The following BLOC1S3 variants were observed in gnomAD, a reference collection of about 807,000 sequenced individuals.
BLOC1S3 encodes the protein biogenesis of lysosomal organelles complex 1 subunit 3.
In BLOC1S3, 7 loss-of-function variants were observed where a neutral mutation model predicts 9.1. The observed-to-expected ratio is 0.77, with a 90% CI of 0.44 to 1.45. BLOC1S3 has a LOEUF of 1.45. Among genes scored for constraint, BLOC1S3 ranks in the 40% most tolerant of loss-of-function variants. BLOC1S3 has a pLI of 0.01. For missense variants in BLOC1S3, 307 were observed against 315.2 expected (o/e 0.97, Z 0.20); for synonymous variants, 145 against 158.4 (o/e 0.92, Z 0.64).
chr19:45,190,682 G>A lies in BLOC1S3; in HGVS notation n.180+2942G>A, dbSNP rs377187556. ...CTCCCAAAATGCTGGGATTACAGGC[G>A]CCAGCCACTGCACCCAACCCCAGAA... On this transcript the variant is annotated intron_variant and non_coding_transcript_variant, in intron 2 of 3. Transcript: ENST00000591569. 1.1e-4 allele frequency among the ~76,000 whole-genome samples: 17 copies of A among 151,468 alleles called. No individual in the cohort carries two copies. In the South Asian group the frequency reaches 1.5e-3, roughly 13 times the overall value.
downstream of BLOC1S3, among the ~76,000 whole-genome samples, chr19:45,185,397 T>C (rs1445602553): frequency 6.6e-6 from 1 of 152,134 alleles, no homozygotes; most frequent in African/African-American, 2.4e-5. Context: ...CATGGAGCTG[T>C]TGAGACGTTC....
intron 3 of BLOC1S3, among the ~76,000 whole-genome samples, chr19:45,210,124 G>C (rs542258216): frequency 1.3e-5 from 2 of 152,236 alleles, no homozygotes; most frequent in African/African-American, 4.8e-5. Context: ...ATTTCCAAAT[G>C]TGAAAAGTCC....
At chr19:45,184,995 G>A (rs557518155), downstream of BLOC1S3, among the ~76,000 whole-genome samples, 184 of 151,874 alleles carry the variant, frequency 1.2e-3, no homozygotes, top group Non-Finnish European at 2.1e-3. Context: ...GAAGATGGGA[G>A]GGGTCATGGC....
In BLOC1S3 at chr19:45,181,033, TC is replaced by T; in HGVS notation, c.*1130del. On this transcript the variant is annotated 3_prime_UTR_variant, in exon 2 of 2. Coordinates refer to ENST00000433642, the MANE Select transcript of BLOC1S3 (RefSeq NM_212550.5). ...GGGCCACTGCGCCTAGCCAGCTGGG[TC>T]CTTGTTCTGCTGCCCAAGCTTGGCC... is the stretch of plus-strand genomic sequence containing the variant. 1 of 167,456 alleles carries T rather than the reference TC, an allele frequency of 6.0e-6. No individual in the cohort carries two copies. The highest frequency in any genetic ancestry group is 2.1e-4 in the South Asian group (1 of 4,858). 10.4% of individuals were successfully genotyped at this position (167,456 alleles called of 1,614,324 possible). A position where few individuals can be genotyped will look rare whatever the true frequency, so the allele number is the denominator to read the frequency against.
intron 3 of BLOC1S3, chr19:45,213,239 G>T (rs371350226): frequency 3.1e-6 from 5 of 1,613,294 alleles, no homozygotes; most frequent in Non-Finnish European, 4.2e-6. Flanking sequence ...CGGTCCCGAG[G>T]GGGTGACAGG....
chr19:45,211,055 G>T (rs1254354305), intron 3 of BLOC1S3, among the ~76,000 whole-genome samples: 1 of 152,202 alleles, frequency 6.6e-6, no homozygotes, highest in Non-Finnish European at 1.5e-5. Flanking sequence ...AGGCTGCAGT[G>T]AGCTATGATC....
Position 45,179,496 on chromosome 19 carries a change from C to T in BLOC1S3, c.200C>T (p.Pro67Leu). Residue 67 changes from proline (P) to leucine (L), a missense_variant, in exon 2 of 2, where the codon CCG (proline) becomes CTG (leucine). Coordinates refer to ENST00000433642, the MANE Select transcript of BLOC1S3 (RefSeq NM_212550.5). The surrounding 1 kb of genome is among the most constrained non-coding windows in gnomAD (Gnocchi z 4.6). ...GAAGCCGCGGAGACCGACTCGGAGC[C>T]GGAGCCGGAGCCGGAACCGACGGCC... ...AGEAAETDSE[P>L]EPEPEPTAAP... is the part of the protein sequence containing the mutation. The T allele has an allele frequency of 1.3e-6, 2 of 1,522,928 alleles. No homozygotes were observed. Among genetic ancestry groups the T allele is most frequent in the Non-Finnish European group, 1.8e-6 (2 of 1,142,372 alleles). The allele number at this position is 1,522,928 out of a possible 1,614,324, so 94.3% of individuals were successfully genotyped here. A position where few individuals can be genotyped will look rare whatever the true frequency, so the allele number is the denominator to read the frequency against.
At chr19:45,186,520 C>G (rs1969566834), downstream of BLOC1S3, among the ~76,000 whole-genome samples, 3 of 152,060 alleles carry the variant, frequency 2.0e-5, no homozygotes, top group Admixed American at 2.0e-4. Flanking sequence ...GCCTGGCCAA[C>G]ACGGTGAAAC....
rs1555754633 is a variant in BLOC1S3, at chr19:45,206,462, T to TTTTTGTTTTTTTG, written n.282+3959_282+3960insGTTTTTTTGTTTT. 4.3e-5 allele frequency among the ~76,000 whole-genome samples: 5 copies of TTTTTGTTTTTTTG among 115,446 alleles called. 1 individual carries two copies. The highest frequency in any genetic ancestry group is 3.6e-5 in the African/African-American group (1 of 27,872). The allele number at this position is 115,446 out of a possible 152,430, so 75.7% of individuals were successfully genotyped here. A position where few individuals can be genotyped will look rare whatever the true frequency, so the allele number is the denominator to read the frequency against. On this transcript the variant is annotated intron_variant and non_coding_transcript_variant, in intron 3 of 3. Transcript: ENST00000591569. ...TTGGATTAATCAAGTTTTTTTTTTT[T>TTTTTGTTTTTTTG]TTTTTTTTTTTGAGCAAGGATCTCA...
At chr19:45,194,936 T>C (rs1969635801) in intron 2 of BLOC1S3, among the ~76,000 whole-genome samples, 1 of 151,614 alleles carries the variant, frequency 6.6e-6, no homozygotes, top group Admixed American at 6.6e-5. Context: ...GTTATACTTT[T>C]TTTTTTTTTT....
At chr19:45,210,241 T>G (rs1969757902) in intron 3 of BLOC1S3, among the ~76,000 whole-genome samples, 1 of 150,960 alleles carries the variant, frequency 6.6e-6, no homozygotes, top group African/African-American at 2.4e-5. Flanking sequence ...TTTCTTTATT[T>G]AAAATTTTTT....
At chr19:45,185,712 C>T (rs912805614), downstream of BLOC1S3, among the ~76,000 whole-genome samples, 3 of 151,790 alleles carry the variant, frequency 2.0e-5, no homozygotes, top group Non-Finnish European at 4.4e-5. Context: ...AGAGCCAGGC[C>T]ACACAGGGCC....
In BLOC1S3 at chr19:45,208,154, T is replaced by C. The variant is rs976220072; in HGVS notation, n.282+5647T>C. Reference sequence around the variant, plus strand: ...CACGCCCAGCTAAGTTTTGTATTTTTAGTAGAGACGGGTTTTGCCATGTTG... The same window carrying C: ...CACGCCCAGCTAAGTTTTGTATTTTCAGTAGAGACGGGTTTTGCCATGTTG... On this transcript the variant is annotated intron_variant and non_coding_transcript_variant, in intron 3 of 3. Transcript: ENST00000591569. Among the ~76,000 whole-genome samples, 11 of 151,546 alleles carry C rather than the reference T, an allele frequency of 7.3e-5. No individual in the cohort carries two copies. The South Asian group carries it at 1.3e-3, about 17-fold the overall frequency.
At chr19:45,185,718 G>A (rs1969561391), downstream of BLOC1S3, among the ~76,000 whole-genome samples, 1 of 151,840 alleles carries the variant, frequency 6.6e-6, no homozygotes, top group Non-Finnish European at 1.5e-5. Context: ...AGGCCACACA[G>A]GGCCAGAATG....
intron 3 of BLOC1S3, among the ~76,000 whole-genome samples, chr19:45,205,189 G>A (rs539851856): frequency 6.6e-6 from 1 of 151,650 alleles, no homozygotes; most frequent in Non-Finnish European, 1.5e-5. Context: ...TGTGTGAGAC[G>A]GAGTCTTGCA....
chr19:45,203,304 C>G (rs1372410117), intron 3 of BLOC1S3, among the ~76,000 whole-genome samples: 1 of 152,012 alleles, frequency 6.6e-6, no homozygotes, highest in East Asian at 1.9e-4. Context: ...GAGATGGAGT[C>G]TTGCTGTTGT....
chr19:45,201,783 G>A (rs1450318545), intron 2 of BLOC1S3, among the ~76,000 whole-genome samples: 1 of 152,024 alleles, frequency 6.6e-6, no homozygotes, highest in African/African-American at 2.4e-5. Context: ...GTTATAGGGG[G>A]TACCCAGTGG....
At chr19:45,199,916 C>T (rs1452816848) in intron 2 of BLOC1S3, among the ~76,000 whole-genome samples, 1 of 152,010 alleles carries the variant, frequency 6.6e-6, no homozygotes, top group African/African-American at 2.4e-5. Flanking sequence ...CAGGCATGCA[C>T]CACCATGCCC....
At chr19:45,193,090 C>G (rs927324440) in intron 2 of BLOC1S3, among the ~76,000 whole-genome samples, 3 of 136,480 alleles carry the variant, frequency 2.2e-5, no homozygotes, top group African/African-American at 7.9e-5. Context: ...CGAGATCACT[C>G]CATTGCACTC....
Sources: gnomAD v4.1 joint callset for allele counts (sites outside exome capture counted in the v4.1 genomes callset) on GRCh38, gnomAD v4.1.1 for gene constraint, Gnocchi (gnomAD v3.1) non-coding constraint, MANE v1.5 for transcripts, NCBI Gene and HGNC (gene_info 2026-07-23, HGNC 2026-07-21) for gene names.